Variants in ABCA5 observed in about 807,000 individuals in gnomAD.
ABCA5 encodes cholesterol transporter ABCA5.
In ABCA5, 163 loss-of-function variants were observed where a neutral mutation model predicts 206.0. The ratio of observed to expected loss-of-function variants is 0.79; its 90% CI spans 0.70 to 0.90. The LOEUF (loss-of-function observed/expected upper bound fraction) is 0.90. Among genes scored for constraint, ABCA5 ranks in the 40% least tolerant of loss-of-function variants. The pLI is 0.00. For synonymous variants in ABCA5, 609 were observed against 613.8 expected (o/e 0.99, Z 0.11); for missense variants, 1,859 against 1,912.9 (o/e 0.97, Z 0.53).
chr17:69,277,678 A>G lies in ABCA5; in HGVS notation c.2557T>C (p.Phe853Leu). 1 of 1,611,780 alleles carries G rather than the reference A, an allele frequency of 6.2e-7. No homozygotes were observed. The highest frequency in any genetic ancestry group is 1.1e-5 in the South Asian group (1 of 90,458). Residue 853 changes from phenylalanine (F) to leucine (L), a missense_variant, in exon 19 of 39, where the codon TTT becomes CTT. Transcript: ENST00000392676. ...QMYTIAKFHF[F>L]TLKRESKSVR... is the part of the protein sequence containing the mutation. ...GATTTACTTTCACGTTTCAAGGTAA[A>G]GAAATGAAACTTTGCTATTGTATAC...
intron 1 of ABCA5, chr17:69,325,767 G>A (rs1194643965): frequency 2.6e-5 from 4 of 152,180 alleles, no homozygotes; most frequent in Non-Finnish European, 4.4e-5. Context: ...GACGTTCAAG[G>A]CTGCAGTGAA....
intron 2 of ABCA5, 137 bp downstream of exon 2, chr17:69,314,177 C>A (rs886129349): frequency 1.5e-5 from 6 of 406,228 alleles, no homozygotes; most frequent in Non-Finnish European, 2.5e-5. Flanking sequence ...GCTAACATGG[C>A]AAGCTTTTAC....
intron 24 of ABCA5, among the ~76,000 whole-genome samples, chr17:69,262,009 AG>A (rs1224489842): frequency 7.4e-6 from 1 of 134,668 alleles, no homozygotes; most frequent in Non-Finnish European, 1.8e-5. Context: ...TTAATGTGTA[AG>A]AAAAACATTA....
At position 69,285,648 on chromosome 17, in the gene ABCA5, G is replaced by A. The variant is rs749430474; in HGVS notation, c.2272+250C>T. On this transcript the variant is annotated intron_variant, in intron 17 of 38. Transcript: ENST00000392676. The stretch of plus-strand genomic sequence containing the variant: ...ACAAAGTAAACACAATTATTTTTAC[G>A]TTTTTTAACATTTTCTTAAGTATTT... 5.3e-5 allele frequency among the ~76,000 whole-genome samples: 8 copies of A among 151,674 alleles called. No individual in the cohort carries two copies. The East Asian group carries it at 1.2e-3, about 22-fold the overall frequency.
intron 28 of ABCA5, among the ~76,000 whole-genome samples, chr17:69,256,594 T>C (rs1038264080): frequency 6.6e-6 from 1 of 151,834 alleles, no homozygotes; most frequent in Non-Finnish European, 1.5e-5. Flanking sequence ...TAGCTGGGAT[T>C]ACAGGCACGC....
At chr17:69,269,557 G>C (rs2075249225) in intron 22 of ABCA5, among the ~76,000 whole-genome samples, 1 of 151,962 alleles carries the variant, frequency 6.6e-6, no homozygotes, top group African/African-American at 2.4e-5. Context: ...ATATATCCAA[G>C]AGAAATAAAA....
chr17:69,257,182 T>A (rs943910454), intron 28 of ABCA5, among the ~76,000 whole-genome samples: 1 of 152,052 alleles, frequency 6.6e-6, no homozygotes, highest in Non-Finnish European at 1.5e-5. Flanking sequence ...CTAGCCACCA[T>A]GGAGAAACCC....
At chr17:69,325,271 T>G (rs894094425) in intron 1 of ABCA5, among the ~76,000 whole-genome samples, 1 of 151,536 alleles carries the variant, frequency 6.6e-6, no homozygotes. Flanking sequence ...ATCCTGCCAC[T>G]GCACTTCATC....
At position 69,306,709 on chromosome 17, in the gene ABCA5, A is replaced by C; in HGVS notation, c.788+16T>G. On this transcript the variant is annotated intron_variant, in intron 6 of 38. Transcript: ENST00000392676. ...AATTTTTAATTATATTAAGTAATAA[A>C]TTTTTAATAACATACCAAAAGGCAG... 2 of 1,245,372 alleles carry C rather than the reference A, an allele frequency of 1.6e-6. No individual in the cohort carries two copies. Among genetic ancestry groups the C allele is most frequent in the Non-Finnish European group, 2.1e-6 (2 of 947,422 alleles). 77.1% of individuals were successfully genotyped at this position (1,245,372 alleles called of 1,614,324 possible).
At position 69,246,963 on chromosome 17, in the gene ABCA5, A is replaced by G. The variant is rs1427894238; in HGVS notation, c.*574T>C. 1.3e-5 allele frequency: 2 copies of G among 152,120 alleles called. No homozygotes were observed. The highest frequency in any genetic ancestry group is 4.1e-4 in the South Asian group (2 of 4,834). The allele number at this position is 152,120 out of a possible 1,614,324, so 9.4% of individuals were successfully genotyped here. A position where few individuals can be genotyped will look rare whatever the true frequency, so the allele number is the denominator to read the frequency against. On this transcript the variant is annotated 3_prime_UTR_variant, in exon 39 of 39. Coordinates refer to ENST00000392676, the MANE Select transcript of ABCA5 (RefSeq NM_172232.4). ...AGAACAAGGGCTCATTTCACTTATT[A>G]TGATCAATGACTGCCACCTAGTGGA...
At position 69,249,941 on chromosome 17, in the gene ABCA5, G is replaced by A; in HGVS notation, c.4729C>T (p.Gln1577Ter). The change falls in exon 37 of 39, where the codon CAG becomes TAG. Residue 1577 changes from glutamine (Q) to a stop codon, truncating the protein, a stop_gained. Transcript: ENST00000392676. LOFTEE classifies it high-confidence loss of function. Reference protein sequence around the residue: ...LAYKIPKEDVQSLSQSFFKLE... With the variant: ...LAYKIPKEDV The stretch of plus-strand genomic sequence containing the variant: ...TTAAAAAAAGATTGTGAAAGGGACT[G>A]AACATCTTCCTTAGGAATTTTATAA... 1 of 1,520,378 alleles carries A rather than the reference G, an allele frequency of 6.6e-7. No homozygotes were observed. The highest frequency in any genetic ancestry group is 8.8e-7 in the Non-Finnish European group (1 of 1,135,250). 94.2% of individuals were successfully genotyped at this position (1,520,378 alleles called of 1,614,324 possible). A position where few individuals can be genotyped will look rare whatever the true frequency, so the allele number is the denominator to read the frequency against.
chr17:69,303,901 CA>C (rs1165826204), intron 7 of ABCA5, among the ~76,000 whole-genome samples: 1 of 131,004 alleles, frequency 7.6e-6, no homozygotes, highest in African/African-American at 3.0e-5. Flanking sequence ...CAAAAATTAG[CA>C]AGGTGTGATG....
At chr17:69,307,537 A>G (rs1340032898) in intron 5 of ABCA5, among the ~76,000 whole-genome samples, 1 of 152,062 alleles carries the variant, frequency 6.6e-6, no homozygotes, top group Non-Finnish European at 1.5e-5. Flanking sequence ...TGGCCAAAAT[A>G]CAAATAGGTG....
chr17:69,259,852 TG>T, intron 27 of ABCA5, 55 bp from the exon 28 acceptor site: 1 of 1,182,602 alleles, frequency 8.5e-7, no homozygotes, highest in South Asian at 1.6e-5. Context: ...TTGTTGTTGT[TG>T]TTTTTTCCTT....
At chr17:69,317,399 CAAAAAAAAAAA>C (rs1168274624) in intron 1 of ABCA5, among the ~76,000 whole-genome samples, 2 of 74,572 alleles carry the variant, frequency 2.7e-5, no homozygotes, top group Middle Eastern at 0.013. Flanking sequence ...GACTCTGTCT[CAAAAAAAAAAA>C]AAAAAAAAAA....
In ABCA5 at chr17:69,245,549, T is replaced by C. The variant is rs900361124; in HGVS notation, c.*1988A>G. On this transcript the variant is annotated 3_prime_UTR_variant, in exon 39 of 39. Transcript: ENST00000392676. ...TAAGTTATATTTCTCCTGAGTCAGA[T>C]TTTGTTACTGTGAAAAAGGGAACAT... The C allele has an allele frequency of 5.9e-5, 9 of 151,968 alleles. No homozygotes were observed. The highest frequency in any genetic ancestry group is 1.7e-4 in the African/African-American group (7 of 41,430). The allele number at this position is 151,968 out of a possible 1,614,324, so 9.4% of individuals were successfully genotyped here. A position where few individuals can be genotyped will look rare whatever the true frequency, so the allele number is the denominator to read the frequency against.
At chr17:69,252,870 A>ATTAGTAC (rs1343172397) in intron 34 of ABCA5, among the ~76,000 whole-genome samples, 1 of 151,664 alleles carries the variant, frequency 6.6e-6, no homozygotes, top group Non-Finnish European at 1.5e-5. Context: ...TGTTCAACTA[A>ATTAGTAC]TTAGTACTTT....
At chr17:69,305,880 T>C (rs2075712177) in intron 6 of ABCA5, among the ~76,000 whole-genome samples, 1 of 151,316 alleles carries the variant, frequency 6.6e-6, no homozygotes. Flanking sequence ...CAAAAAATAA[T>C]CCAAAACCAA....
intron 23 of ABCA5, among the ~76,000 whole-genome samples, chr17:69,265,228 C>T (rs1327506777): frequency 6.6e-6 from 1 of 151,970 alleles, no homozygotes; most frequent in South Asian, 2.1e-4. Flanking sequence ...TAATAAATAG[C>T]CAAAACATTA....
Sources: gnomAD v4.1 joint callset for allele counts (sites outside exome capture counted in the v4.1 genomes callset) on GRCh38, gnomAD v4.1.1 for gene constraint, MANE v1.5 for transcripts, NCBI Gene and HGNC (gene_info 2026-07-23, HGNC 2026-07-21) for gene names.